Variants in MYL4 observed in about 807,000 individuals in gnomAD.
MYL4 encodes the protein myosin light chain 4, also known as atrial myosin light chain 1.
In MYL4, 16 loss-of-function variants were observed where a neutral mutation model predicts 21.6. That is an observed-to-expected ratio of 0.74 (90% CI 0.50 to 1.12). MYL4 has a LOEUF of 1.12. MYL4 is among the 50% of genes most tolerant of loss of function. The probability of loss-of-function intolerance (pLI) is 0.00; values close to 1 mark genes in which losing one functional copy is unlikely to be tolerated. For missense variants in MYL4, 249 were observed against 252.9 expected, an observed-to-expected ratio of 0.98 and a Z score of 0.11; for synonymous variants, 82 against 95.7, an observed-to-expected ratio of 0.86 and a Z score of 0.83.
chr17:47,217,907 C>T (rs1293650827), intron 2 of MYL4, among the ~76,000 whole-genome samples: 1 of 151,842 alleles, frequency 6.6e-6, no homozygotes, highest in Non-Finnish European at 1.5e-5. Flanking sequence ...GTGGCGCATG[C>T]CTGTAATGCC....
intron 2 of MYL4, among the ~76,000 whole-genome samples, chr17:47,219,355 C>T (rs1317065256): frequency 1.3e-5 from 2 of 152,224 alleles, no homozygotes; most frequent in Non-Finnish European, 2.9e-5. Flanking sequence ...CCCAGCTTAT[C>T]CTGCACTCTG....
intron 3 of MYL4, among the ~76,000 whole-genome samples, chr17:47,220,970 G>C (rs116003081): frequency 6.6e-6 from 1 of 152,168 alleles, no homozygotes; most frequent in African/African-American, 2.4e-5. Context: ...GGTAACCGCG[G>C]GGGTGAAGGA....
At chr17:47,212,249 T>C (rs1475370873) in intron 1 of MYL4, among the ~76,000 whole-genome samples, 1 of 152,196 alleles carries the variant, frequency 6.6e-6, no homozygotes, top group African/African-American at 2.4e-5. Context: ...AATAAAATGA[T>C]GACTTATGCT....
chr17:47,224,163 C>G (rs1371173425), downstream of MYL4, among the ~76,000 whole-genome samples: 1 of 152,166 alleles, frequency 6.6e-6, no homozygotes, highest in Non-Finnish European at 1.5e-5. Flanking sequence ...TTTCATGCTA[C>G]TGATAAAGAC....
intron 2 of MYL4, among the ~76,000 whole-genome samples, chr17:47,217,579 G>T (rs751846218): frequency 1.3e-5 from 2 of 152,180 alleles, no homozygotes; most frequent in African/African-American, 2.4e-5. Context: ...ACATGGTTAA[G>T]TGATCCAAAT....
intron 1 of MYL4, among the ~76,000 whole-genome samples, chr17:47,201,164 G>A (rs1389924148): frequency 2.6e-5 from 4 of 152,106 alleles, no homozygotes; most frequent in South Asian, 2.1e-4. Context: ...GTGAGACTCC[G>A]TCTCAAAAAA....
intron 1 of MYL4, among the ~76,000 whole-genome samples, chr17:47,202,169 A>G (rs2064712020): frequency 1.3e-5 from 2 of 152,076 alleles, no homozygotes; most frequent in Admixed American, 6.6e-5. Context: ...TATTTTTAGT[A>G]GAGAAGGGGT....
chr17:47,227,637 T>A (rs988516847), downstream of MYL4, among the ~76,000 whole-genome samples: 5 of 152,218 alleles, frequency 3.3e-5, no homozygotes, highest in Non-Finnish European at 5.9e-5. Context: ...ATGAAGGCCT[T>A]GAAGATTATC....
chr17:47,223,046 A>C lies in MYL4; in HGVS notation c.*4A>C. 6.2e-7 allele frequency: 1 copy of C among 1,614,196 alleles called. No individual in the cohort carries two copies. The highest frequency in any genetic ancestry group is 8.5e-7 in the Non-Finnish European group (1 of 1,180,012). On this transcript the variant is annotated 3_prime_UTR_variant, in exon 6 of 7. Transcript: ENST00000393450. ...CAAGCACATCATGTCAGGGTGAAGC[A>C]GAGTCTTCCAGGTGAGTGCAGCCTC...
At chr17:47,227,254 T>C (rs558999036), downstream of MYL4, among the ~76,000 whole-genome samples, 1 of 152,356 alleles carries the variant, frequency 6.6e-6, no homozygotes, top group East Asian at 1.9e-4. Flanking sequence ...CAGAAGAGAC[T>C]CTTGTCCTCC....
intron 3 of MYL4, among the ~76,000 whole-genome samples, chr17:47,221,224 C>A (rs979171193): frequency 3.9e-5 from 6 of 152,092 alleles, no homozygotes; most frequent in Non-Finnish European, 8.8e-5. Context: ...AGTGATGGGA[C>A]CCCATGCAGA....
At chr17:47,190,244 T>C in the MYL4 span, among the ~76,000 whole-genome samples, 8 of 152,190 alleles carry the variant, frequency 5.3e-5, no homozygotes, top group African/African-American at 1.9e-4. Flanking sequence ...TAACTAGTCA[T>C]AGGTCCTTGG....
chr17:47,198,244 G>T (rs2064696811), upstream of MYL4, among the ~76,000 whole-genome samples: 1 of 152,124 alleles, frequency 6.6e-6, no homozygotes, highest in Non-Finnish European at 1.5e-5. Flanking sequence ...CTTAAAATGA[G>T]AAATATTCTT....
chr17:47,227,291 T>G (rs2064889150), downstream of MYL4, among the ~76,000 whole-genome samples: 1 of 152,234 alleles, frequency 6.6e-6, no homozygotes, highest in African/African-American at 2.4e-5. Context: ...AACCCTGTAC[T>G]TTGCCCGGCC....
At chr17:47,202,546 T>C (rs1449022149) in intron 1 of MYL4, among the ~76,000 whole-genome samples, 6 of 152,244 alleles carry the variant, frequency 3.9e-5, no homozygotes, top group Non-Finnish European at 8.8e-5. Context: ...ATATTAGTCA[T>C]ATTTATTTTA....
intron 5 of MYL4, 152 bp from the exon 6 acceptor site, chr17:47,222,862 C>A (rs1316897273): frequency 1.1e-6 from 1 of 938,280 alleles, no homozygotes; most frequent in Admixed American, 2.1e-5. Flanking sequence ...CCCACCTTCT[C>A]CCCACCAACC....
chr17:47,213,764 A>C (rs541095627), intron 1 of MYL4, 35 bp from the exon 2 acceptor site: 3 of 1,613,474 alleles, frequency 1.9e-6, no homozygotes, highest in Admixed American at 1.7e-5. Flanking sequence ...TGCTTTTAGC[A>C]ATCCAAGCCC....
chr17:47,222,273 G>A, intron 4 of MYL4, 107 bp from the exon 5 acceptor site: 2 of 1,113,428 alleles, frequency 1.8e-6, no homozygotes, highest in Non-Finnish European at 2.7e-6. Flanking sequence ...CCACCTCCCA[G>A]ATCCAGGCAG....
chr17:47,225,348 G>A (rs1231742365), downstream of MYL4, among the ~76,000 whole-genome samples: 2 of 152,226 alleles, frequency 1.3e-5, no homozygotes. Context: ...TTATACGGTT[G>A]AGCAGGGGTT....
Sources: gnomAD v4.1 joint callset for allele counts (sites outside exome capture counted in the v4.1 genomes callset) on GRCh38, gnomAD v4.1.1 for gene constraint, MANE v1.5 for transcripts, NCBI Gene and HGNC (gene_info 2026-07-23, HGNC 2026-07-21) for gene names.